Variants in MITF observed in about 807,000 individuals in gnomAD.
MITF encodes melanocyte inducing transcription factor.
A neutral mutation model predicts 60.5 loss-of-function variants in MITF; 17 were observed. The ratio of observed to expected loss-of-function variants is 0.28; its 90% CI spans 0.19 to 0.42. The LOEUF is 0.42. Among genes scored for constraint, MITF ranks in the 10% least tolerant of loss-of-function variants. The pLI is 1.00. For synonymous variants in MITF, 260 were observed against 248.5 expected, an observed-to-expected ratio of 1.05 and a Z score of -0.43; for missense variants, 622 against 683.5, an observed-to-expected ratio of 0.91 and a Z score of 1.00.
rs1281109776 is a variant in MITF at position 69,856,960 on chromosome 3, G to GT, written c.105-22166dup. On this transcript the variant is annotated intron_variant, in intron 1 of 9. Coordinates refer to ENST00000352241, the MANE Select transcript of MITF (RefSeq NM_001354604.2). ...GTGTTTTTTGTTCTGTTTTGTTTTT[G>GT]TTTTTTTTAAGTCAGATCATCGTTA... 7.5e-4 allele frequency among the ~76,000 whole-genome samples: 114 copies of GT among 151,350 alleles called. 1 individual carries two copies. Among genetic ancestry groups the GT allele is most frequent in the Admixed American group, 2.4e-3 (36 of 15,184 alleles).
Position 69,739,631 on chromosome 3 carries a change from G to A in MITF, c.34G>A (p.Glu12Lys). 1 of 1,583,160 alleles carries A rather than the reference G, an allele frequency of 6.3e-7. No individual in the cohort carries two copies. The change falls in exon 1 of 10, where the codon GAA (glutamate) becomes AAA (lysine). Residue 12 changes from glutamate to lysine, a missense_variant. Glu to Lys is a moderately conservative substitution (Grantham distance 56). Coordinates refer to ENST00000352241, the MANE Select transcript of MITF (RefSeq NM_001354604.2). ...QSESGIVPDF[E>K]VGEEFHEEPK... ...CGAATCGGGGATCGTGCCGGATTTC[G>A]AAGTCGGGGAGGAGTTTCATGAAGA...
At chr3:69,854,699 A>T (rs2063886064) in intron 1 of MITF, among the ~76,000 whole-genome samples, 1 of 152,150 alleles carries the variant, frequency 6.6e-6, no homozygotes, top group Non-Finnish European at 1.5e-5. Flanking sequence ...CTTTGCAGCC[A>T]GATATTCTTT....
chr3:69,848,874 A>C (rs1010752055), intron 1 of MITF, among the ~76,000 whole-genome samples: 2 of 152,128 alleles, frequency 1.3e-5, no homozygotes, highest in Non-Finnish European at 2.9e-5. Context: ...ATTAATGAGA[A>C]TAAATTATAT....
At chr3:69,842,337 A>G (rs2063652635) in intron 1 of MITF, among the ~76,000 whole-genome samples, 1 of 152,236 alleles carries the variant, frequency 6.6e-6, no homozygotes. Context: ...GGAAGCTAAT[A>G]AACACAGTAG....
chr3:69,851,401 C>A (rs2063821670), intron 1 of MITF, among the ~76,000 whole-genome samples: 1 of 152,046 alleles, frequency 6.6e-6, no homozygotes, highest in South Asian at 2.1e-4. Context: ...AAACTGGAAA[C>A]AGCCTGAATG....
intron 1 of MITF, among the ~76,000 whole-genome samples, chr3:69,865,484 AG>A (rs1358492756): frequency 6.6e-5 from 10 of 152,160 alleles, no homozygotes; most frequent in Non-Finnish European, 1.5e-4. Flanking sequence ...TGCATTTTAA[AG>A]TGTTTTTTGA....
At chr3:69,815,137 G>C (rs2063161231) in intron 1 of MITF, among the ~76,000 whole-genome samples, 1 of 152,090 alleles carries the variant, frequency 6.6e-6, no homozygotes, top group African/African-American at 2.4e-5. Context: ...CAAGACCTCA[G>C]ACATACAAAA....
chr3:69,742,912 T>C (rs1173913494), intron 1 of MITF, among the ~76,000 whole-genome samples: 3 of 152,224 alleles, frequency 2.0e-5, no homozygotes, highest in Non-Finnish European at 4.4e-5. Context: ...TATATTTTTT[T>C]CCCATAGGGC....
intron 1 of MITF, among the ~76,000 whole-genome samples, chr3:69,796,439 C>T (rs1028297930): frequency 6.8e-6 from 1 of 147,482 alleles, no homozygotes; most frequent in African/African-American, 2.5e-5. Context: ...GGTAGTAAAA[C>T]ATTTAAAGCT....
chr3:69,907,930 ATGGTT>A (rs2065136117), intron 2 of MITF, among the ~76,000 whole-genome samples: 1 of 152,224 alleles, frequency 6.6e-6, no homozygotes, highest in African/African-American at 2.4e-5. Flanking sequence ...AGTGTTACAA[ATGGTT>A]TTTTGAAAGG....
At chr3:69,749,446 G>C (rs61389280) in intron 1 of MITF, among the ~76,000 whole-genome samples, 1,886 of 152,304 alleles carry the variant, frequency 0.012, 32 homozygotes, top group African/African-American at 0.043. Context: ...AATTTAGGAT[G>C]CTGGCACCTC....
intron 1 of MITF, among the ~76,000 whole-genome samples, chr3:69,848,502 A>T (rs908005611): frequency 6.6e-6 from 1 of 152,202 alleles, no homozygotes; most frequent in Non-Finnish European, 1.5e-5. Context: ...TGATACTTTC[A>T]TGTTAGCTCT....
At chr3:69,748,267 G>A (rs1236179431) in intron 1 of MITF, among the ~76,000 whole-genome samples, 1 of 152,158 alleles carries the variant, frequency 6.6e-6, no homozygotes, top group Non-Finnish European at 1.5e-5. Flanking sequence ...TTGAGGTGGA[G>A]ACTCACTCTT....
chr3:69,907,450 A>G (rs1441219679), intron 2 of MITF, among the ~76,000 whole-genome samples: 1 of 152,202 alleles, frequency 6.6e-6, no homozygotes, highest in African/African-American at 2.4e-5. Context: ...AAGCAAATGA[A>G]CAAACAACTC....
At chr3:69,853,266 C>A (rs974204278) in intron 1 of MITF, among the ~76,000 whole-genome samples, 2 of 152,000 alleles carry the variant, frequency 1.3e-5, no homozygotes, top group Non-Finnish European at 2.9e-5. Context: ...AGCATCTGTT[C>A]GGTAGAGGGT....
In MITF at chr3:69,781,435, C is replaced by T. The variant is rs2062562569; in HGVS notation, c.104+41734C>T. On this transcript the variant is annotated intron_variant, in intron 1 of 9. Transcript: ENST00000352241. The stretch of plus-strand genomic sequence containing the variant: ...AGAACTGGCTGCAAAATTTGCAGGT[C>T]CCAGTGCAAAATGAACATGTGGAGC... Among the ~76,000 whole-genome samples, 2 of 152,048 alleles carry T rather than the reference C, an allele frequency of 1.3e-5. 1 individual carries two copies. Among genetic ancestry groups the T allele is most frequent in the South Asian group, 4.2e-4 (2 of 4,818 alleles).
chr3:69,866,209 C>G, intron 1 of MITF: 1 of 1,598,506 alleles, frequency 6.3e-7, no homozygotes, highest in South Asian at 1.1e-5. Context: ...AGGAGCCACC[C>G]CTAGTGACAC....
At chr3:69,932,316 CTTTA>C (rs934682629) in intron 2 of MITF, among the ~76,000 whole-genome samples, 5 of 152,190 alleles carry the variant, frequency 3.3e-5, no homozygotes, top group African/African-American at 9.6e-5. Flanking sequence ...TCTGATAAAA[CTTTA>C]TTTATCCACA....
chr3:69,855,146 G>A (rs535956727), intron 1 of MITF, among the ~76,000 whole-genome samples: 5 of 149,938 alleles, frequency 3.3e-5, no homozygotes, highest in African/African-American at 7.4e-5. Flanking sequence ...TTCTGCCTAC[G>A]TGTGACTCTC....
Sources: allele counts gnomAD v4.1 joint callset (sites outside exome capture counted in the v4.1 genomes callset), GRCh38; gene constraint gnomAD v4.1.1; transcripts MANE v1.5; gene names NCBI Gene and HGNC (gene_info 2026-07-23, HGNC 2026-07-21).